Variants in NKX3-2 observed in about 807,000 individuals in gnomAD.
NKX3-2 encodes homeobox protein Nkx-3.2.
In NKX3-2, 13 loss-of-function variants were observed where a neutral mutation model predicts 19.4. The observed-to-expected ratio is 0.67, with a 90% CI of 0.44 to 1.07. NKX3-2 has a LOEUF of 1.07. Among genes scored for constraint, NKX3-2 ranks in the 50% least tolerant of loss-of-function variants. The pLI, the probability that NKX3-2 is intolerant of heterozygous loss-of-function variation, is 0.00. For synonymous variants in NKX3-2, 269 were observed against 230.5 expected (o/e 1.17, Z -1.51); for missense variants, 562 against 488.2 (o/e 1.15, Z -1.42).
upstream of NKX3-2, chr4:13,546,764 C>T (rs1292153841): frequency 2.7e-6 from 1 of 371,986 alleles, no homozygotes; most frequent in Non-Finnish European, 5.4e-6. Context: ...AAAACAACTA[C>T]CATTTAGTTG....
chr4:13,541,126 G>C lies in NKX3-2; in HGVS notation c.*867C>G, dbSNP rs1717973002. ...AAGGCTGGCCAGGGATATTCACATT[G>C]AGTAGAAAAATAATCGTCATTTGAA... is the stretch of plus-strand genomic sequence containing the variant. On this transcript the variant is annotated 3_prime_UTR_variant, in exon 2 of 2. Coordinates refer to ENST00000382438, the MANE Select transcript of NKX3-2 (RefSeq NM_001189.4). 1 of 152,234 alleles carries C rather than the reference G, an allele frequency of 6.6e-6. No individual in the cohort carries two copies. The highest frequency in any genetic ancestry group is 1.5e-5 in the Non-Finnish European group (1 of 68,054). 9.4% of individuals were successfully genotyped at this position (152,234 alleles called of 1,614,324 possible).
chr4:13,547,563 C>G (rs532396291), upstream of NKX3-2: 5 of 218,310 alleles, frequency 2.3e-5, no homozygotes, highest in South Asian at 2.6e-4. Flanking sequence ...TTCTTCCTCC[C>G]TCCCCTCCTC....
chr4:13,547,422 CGCGGCCCG>C (rs1339670367), upstream of NKX3-2: 1 of 324,106 alleles, frequency 3.1e-6, no homozygotes, highest in Non-Finnish European at 6.0e-6. Context: ...GGCGGAGCTG[CGCGGCCCG>C]GCCGGGCGGC....
In NKX3-2 at chr4:13,544,225, C is replaced by A. The variant is rs202195290; in HGVS notation, c.190G>T (p.Gly64Trp). 9 of 1,591,664 alleles carry A rather than the reference C, an allele frequency of 5.7e-6. No homozygotes were observed. Among genetic ancestry groups the A allele is most frequent in the South Asian group, 1.1e-5 (1 of 89,492 alleles). The change falls in exon 1 of 2, where the codon GGG becomes TGG. Residue 64 changes from glycine to tryptophan, a missense_variant. Transcript: ENST00000382438. ...LFGERDAGAL[G>W]GAEDSLLASP... ...GCCAGCAGAGAGTCCTCGGCGCCCC[C>A]CAACGCGCCCGCGTCCCTCTCCCCA...
At position 13,541,697 on chromosome 4, in the gene NKX3-2, A is replaced by G; in HGVS notation, c.*296T>C. 1 of 377,256 alleles carries G rather than the reference A, an allele frequency of 2.7e-6. No homozygotes were observed. Among genetic ancestry groups the G allele is most frequent in the Non-Finnish European group, 4.8e-6 (1 of 209,910 alleles). The allele number at this position is 377,256 out of a possible 1,614,324, so 23.4% of individuals were successfully genotyped here. ...CCCCCAGGCAGACATATTCGAATCA[A>G]AATTTAATTCCAACATTGTCATGAT... On this transcript the variant is annotated 3_prime_UTR_variant, in exon 2 of 2. Coordinates refer to ENST00000382438, the MANE Select transcript of NKX3-2 (RefSeq NM_001189.4).
In NKX3-2 at chr4:13,541,991, G is replaced by T. The variant is rs755492542; in HGVS notation, c.*2C>A. ...TCACTCGCTGCCTCAGCCCAAGCGG[G>T]TTCACTGGGTGCCTGCGGCAGCTGC... On this transcript the variant is annotated 3_prime_UTR_variant, in exon 2 of 2. Coordinates refer to ENST00000382438, the MANE Select transcript of NKX3-2 (RefSeq NM_001189.4). The T allele has an allele frequency of 1.4e-5, 22 of 1,579,434 alleles. No homozygotes were observed. Among genetic ancestry groups the T allele is most frequent in the Non-Finnish European group, 1.9e-5 (22 of 1,163,258 alleles).
upstream of NKX3-2, chr4:13,547,103 C>T: frequency 2.2e-6 from 1 of 456,290 alleles, no homozygotes; most frequent in Non-Finnish European, 4.4e-6. Flanking sequence ...TCTTGAGCTG[C>T]AACTAGAAGC....
In NKX3-2 at chr4:13,542,207, C is replaced by A; in HGVS notation, c.788G>T (p.Arg263Leu). 6.2e-7 allele frequency: 1 copy of A among 1,610,810 alleles called. No individual in the cohort carries two copies. Among genetic ancestry groups the A allele is most frequent in the Non-Finnish European group, 8.5e-7 (1 of 1,178,836 alleles). Residue 263 changes from arginine to leucine, a missense_variant, in exon 2 of 2, where the codon CGC becomes CTC. Coordinates refer to ENST00000382438, the MANE Select transcript of NKX3-2 (RefSeq NM_001189.4). The surrounding 1 kb of genome is among the most constrained non-coding windows in gnomAD (Gnocchi z 6.4). ...CAGCAGGTCGGCTGCCATCTGCCGG[C>A]GCTTTGTCTTGTAGCGACGGTTCTG... Reference protein sequence around the residue: ...WFQNRRYKTKRRQMAADLLAS... With the variant: ...WFQNRRYKTKLRQMAADLLAS...
At chr4:13,546,573 C>G (rs1466843614), upstream of NKX3-2, 1 of 279,748 alleles carries the variant, frequency 3.6e-6, no homozygotes, top group East Asian at 8.8e-5. Context: ...CACTGGTTGC[C>G]TGGAAGGTAG....
In NKX3-2 at chr4:13,542,406, C is replaced by A; in HGVS notation, c.589G>T (p.Glu197Ter). The A allele has an allele frequency of 6.6e-7, 1 of 1,524,070 alleles. No individual in the cohort carries two copies. The highest frequency in any genetic ancestry group is 8.8e-7 in the Non-Finnish European group (1 of 1,141,670). The allele number at this position is 1,524,070 out of a possible 1,614,324, so 94.4% of individuals were successfully genotyped here. A position where few individuals can be genotyped will look rare whatever the true frequency, so the allele number is the denominator to read the frequency against. The change falls in exon 2 of 2, where the codon GAG (glutamate) becomes TAG (stop). Residue 197 changes from glutamate (E) to a stop codon, truncating the protein, a stop_gained. Transcript: ENST00000382438. LOFTEE classifies it high-confidence loss of function. The surrounding 1 kb of genome is among the most constrained non-coding windows in gnomAD (Gnocchi z 6.4). The stretch of plus-strand genomic sequence containing the variant: ...CGTGGCTTGGGCGCCGCCGGCTCCT[C>A]CTCCTCCTCCGCGACGCCTGCCGGC... ...SGPAGVAEEEEEPAAPKPRKK... is the reference protein window; with the variant it reads ...SGPAGVAEEE
rs779014557 is a variant in NKX3-2 at position 13,542,496 on chromosome 4, C to T, written c.499G>A (p.Val167Ile). 8.8e-6 allele frequency: 14 copies of T among 1,596,622 alleles called. No individual in the cohort carries two copies. The highest frequency in any genetic ancestry group is 1.1e-5 in the Non-Finnish European group (13 of 1,179,596). The change falls in exon 2 of 2, where the codon GTT becomes ATT. Residue 167 changes from valine to isoleucine, a missense_variant. Physicochemically the swap from Val to Ile is conservative, Grantham distance 29 (BLOSUM62 3). Transcript: ENST00000382438. This position sits in a 1 kb window ranked among gnomAD's most constrained non-coding sequence, Gnocchi z 6.4. ...DRSPRTEDDG[V>I]GPRGAHVSAL... ...GACACGTGTGCACCTCTGGGGCCAA[C>T]ACCGTCGTCCTCGGTCCTTGGGCTG...
upstream of NKX3-2, chr4:13,547,072 C>A (rs1718148210): frequency 2.2e-6 from 1 of 456,174 alleles, no homozygotes; most frequent in African/African-American, 2.0e-5. Context: ...GGGTGCTTGG[C>A]GCGGAGGGTG....
chr4:13,544,317 C>T lies in NKX3-2; in HGVS notation c.98G>A (p.Arg33His), dbSNP rs778722547. ...ERGGLAAPEG[R>H]PAPGGTAASV... ...TGCCGCTGTGCCCCCGGGCGCCGGG[C>T]GCCCCTCTGGCGCGGCCAGCCCGCC... is the stretch of plus-strand genomic sequence containing the variant. Residue 33 changes from arginine (R) to histidine (H), a missense_variant, in exon 1 of 2, where the codon CGC becomes CAC. Coordinates refer to ENST00000382438, the MANE Select transcript of NKX3-2 (RefSeq NM_001189.4). 1 of 1,529,850 alleles carries T rather than the reference C, an allele frequency of 6.5e-7. No individual in the cohort carries two copies. Among genetic ancestry groups the T allele is most frequent in the African/African-American group, 1.4e-5 (1 of 70,720 alleles). The allele number at this position is 1,529,850 out of a possible 1,614,324, so 94.8% of individuals were successfully genotyped here.
rs1045461473 is a variant in NKX3-2 at position 13,543,915 on chromosome 4, G to C, written c.466+34C>G. 3.3e-6 allele frequency: 5 copies of C among 1,517,958 alleles called. No homozygotes were observed. Among genetic ancestry groups the C allele is most frequent in the Non-Finnish European group, 4.4e-6 (5 of 1,133,254 alleles). The allele number at this position is 1,517,958 out of a possible 1,614,324, so 94.0% of individuals were successfully genotyped here. On this transcript the variant is annotated intron_variant, in intron 1 of 1. Coordinates refer to ENST00000382438, the MANE Select transcript of NKX3-2 (RefSeq NM_001189.4). The surrounding 1 kb of genome is among the most constrained non-coding windows in gnomAD (Gnocchi z 7.1). ...GTTGCCCTCCGCGTCCATCCCCTCAGCCCGGCCCCCATCCCCGCGAAGCCG... is the reference window on the plus strand; with the variant it reads ...GTTGCCCTCCGCGTCCATCCCCTCACCCCGGCCCCCATCCCCGCGAAGCCG...
rs1718021761 is a variant in NKX3-2 at position 13,542,755 on chromosome 4, C to T, written c.467-227G>A. On this transcript the variant is annotated intron_variant, in intron 1 of 1. Coordinates refer to ENST00000382438, the MANE Select transcript of NKX3-2 (RefSeq NM_001189.4). This position sits in a 1 kb window ranked among gnomAD's most constrained non-coding sequence, Gnocchi z 6.4. ...CTGGGGAGGGCGGCAGACTCAGCCG[C>T]TGTGTCAACGCTGTGTTGTCGAGAC... Among the ~76,000 whole-genome samples, 1 of 152,184 alleles carries T rather than the reference C, an allele frequency of 6.6e-6. No homozygotes were observed. Among genetic ancestry groups the T allele is most frequent in the Non-Finnish European group, 1.5e-5 (1 of 68,044 alleles).
chr4:13,541,548 C>T lies in NKX3-2; in HGVS notation c.*445G>A, dbSNP rs1240095211. 1 of 163,944 alleles carries T rather than the reference C, an allele frequency of 6.1e-6. No homozygotes were observed. The highest frequency in any genetic ancestry group is 1.3e-5 in the Non-Finnish European group (1 of 76,362). The allele number at this position is 163,944 out of a possible 1,614,324, so 10.2% of individuals were successfully genotyped here. ...CAAAAATAAAAGATATGTAGATACA[C>T]ATAGATTGGTAGCATGGATACCATG... On this transcript the variant is annotated 3_prime_UTR_variant, in exon 2 of 2. Coordinates refer to ENST00000382438, the MANE Select transcript of NKX3-2 (RefSeq NM_001189.4).
Position 13,544,290 on chromosome 4 carries a change from G to T in NKX3-2, c.125C>A (p.Ser42Ter). The change falls in exon 1 of 2, where the codon TCG (serine) becomes TAG (stop). Residue 42 changes from serine to a stop codon, truncating the protein, a stop_gained. Transcript: ENST00000382438. LOFTEE classifies it high-confidence loss of function. Reference sequence around the variant, plus strand: ...GCAGACAGCGGGAGCCGCGGCCACCGATGCCGCTGTGCCCCCGGGCGCCGG... The same window carrying T: ...GCAGACAGCGGGAGCCGCGGCCACCTATGCCGCTGTGCCCCCGGGCGCCGG... ...GRPAPGGTAA[S>*]VAAAPAVCCW... is the part of the protein sequence containing the mutation. 1 of 1,542,188 alleles carries T rather than the reference G, an allele frequency of 6.5e-7. No homozygotes were observed. Among genetic ancestry groups the T allele is most frequent in the Non-Finnish European group, 8.7e-7 (1 of 1,151,824 alleles).
chr4:13,542,451 C>T lies in NKX3-2; in HGVS notation c.544G>A (p.Gly182Ser), dbSNP rs772588647. 5.7e-6 allele frequency: 9 copies of T among 1,577,294 alleles called. No individual in the cohort carries two copies. Among genetic ancestry groups the T allele is most frequent in the Middle Eastern group, 2.2e-4 (1 of 4,454 alleles). ...GCCGGCCCGCTGCCGCCCCCGCCGC[C>T]GGCCCCGCTGCACAGCGCGGACACG... Reference protein sequence around the residue: ...AHVSALCSGAGGGGGSGPAGV... With the variant: ...AHVSALCSGASGGGGSGPAGV... The change falls in exon 2 of 2, where the codon GGC becomes AGC. Residue 182 changes from glycine (G) to serine (S), a missense_variant. Physicochemically the swap from Gly to Ser is moderately conservative, Grantham distance 56. Transcript: ENST00000382438. The surrounding 1 kb of genome is among the most constrained non-coding windows in gnomAD (Gnocchi z 6.4).
rs1216892476 is a variant in NKX3-2 at position 13,544,315 on chromosome 4, G to A, written c.100C>T (p.Pro34Ser). ...GATGCCGCTGTGCCCCCGGGCGCCG[G>A]GCGCCCCTCTGGCGCGGCCAGCCCG... is the stretch of plus-strand genomic sequence containing the variant. ...RGGLAAPEGR[P>S]APGGTAASVA... Residue 34 changes from proline to serine, a missense_variant, in exon 1 of 2, where the codon CCG becomes TCG. By Grantham distance (74) the Pro-to-Ser change is moderately conservative. Transcript: ENST00000382438. 6.5e-6 allele frequency: 10 copies of A among 1,530,226 alleles called. No homozygotes were observed. Among genetic ancestry groups the A allele is most frequent in the Non-Finnish European group, 8.7e-6 (10 of 1,146,474 alleles). The allele number at this position is 1,530,226 out of a possible 1,614,324, so 94.8% of individuals were successfully genotyped here.
Sources: allele counts gnomAD v4.1 joint callset (sites outside exome capture counted in the v4.1 genomes callset), GRCh38; gene constraint gnomAD v4.1.1; non-coding constraint Gnocchi (gnomAD v3.1); transcripts MANE v1.5; gene names NCBI Gene and HGNC (gene_info 2026-07-23, HGNC 2026-07-21).